THSD7A: variants seen among roughly 807,000 people sequenced by gnomAD.
THSD7A encodes thrombospondin type 1 domain containing 7A.
Under a neutral mutation model 231.3 loss-of-function variants are expected in THSD7A, and 96 were observed. The observed-to-expected ratio is 0.41, with a 90% confidence interval of 0.35 to 0.49. The LOEUF (loss-of-function observed/expected upper bound fraction) is 0.49, where lower values mean the gene tolerates loss of function less well. Ranked by LOEUF, THSD7A falls within the 20% of genes least tolerant of loss-of-function variation. The pLI is 0.05. For synonymous variants in THSD7A, 940 were observed against 743.3 expected (o/e 1.26, Z -4.30); for missense variants, 2,290 against 2,070.2 (o/e 1.11, Z -2.06).
intron 1 of THSD7A, among the ~76,000 whole-genome samples, chr7:11,737,047 T>C (rs565187126): frequency 1.3e-5 from 2 of 152,074 alleles, no homozygotes; most frequent in Non-Finnish European, 2.9e-5. Context: ...GCCATGATTG[T>C]AAGTTTCCTG....
chr7:11,518,043 C>T (rs1204905797), intron 6 of THSD7A, among the ~76,000 whole-genome samples: 1 of 152,182 alleles, frequency 6.6e-6, no homozygotes, highest in East Asian at 1.9e-4. Flanking sequence ...GAGAGCTTGA[C>T]TGCTTGCTGG....
At chr7:11,791,924 T>A (rs1783962907) in intron 1 of THSD7A, among the ~76,000 whole-genome samples, 1 of 151,964 alleles carries the variant, frequency 6.6e-6, no homozygotes, top group Non-Finnish European at 1.5e-5. Context: ...GCTTTTTTAC[T>A]AATTTGATTC....
intron 1 of THSD7A, among the ~76,000 whole-genome samples, chr7:11,734,583 G>A (rs1781843994): frequency 6.6e-6 from 1 of 151,814 alleles, no homozygotes; most frequent in Non-Finnish European, 1.5e-5. Context: ...TTTCCAACCT[G>A]ACATGTCGTA....
chr7:11,606,926 T>C, intron 2 of THSD7A, among the ~76,000 whole-genome samples: 1 of 152,022 alleles, frequency 6.6e-6, no homozygotes, highest in African/African-American at 2.4e-5. Context: ...TTAAACCACA[T>C]GCAAACTGTT....
intron 1 of THSD7A, among the ~76,000 whole-genome samples, chr7:11,829,816 T>C (rs979415824): frequency 6.6e-6 from 1 of 150,648 alleles, no homozygotes; most frequent in East Asian, 1.9e-4. Flanking sequence ...AAAAAAAAAA[T>C]AAAGAAGTCA....
chr7:11,640,512 C>A (rs113451565), intron 1 of THSD7A, among the ~76,000 whole-genome samples: 8 of 152,060 alleles, frequency 5.3e-5, no homozygotes, highest in African/African-American at 1.9e-4. Context: ...CGCAGTGTAA[C>A]CTTGAGAACC....
chr7:11,770,173 T>C (rs1751616189), intron 1 of THSD7A, among the ~76,000 whole-genome samples: 1 of 152,144 alleles, frequency 6.6e-6, no homozygotes. Context: ...TTTTCAATTC[T>C]TAGTTGAATC....
chr7:11,394,824 G>C (rs887705840), intron 23 of THSD7A, among the ~76,000 whole-genome samples: 1 of 152,050 alleles, frequency 6.6e-6, no homozygotes, highest in East Asian at 1.9e-4. Flanking sequence ...TTCATTCATC[G>C]GTCGGCCAGG....
chr7:11,682,608 T>G (rs10085466), intron 1 of THSD7A, among the ~76,000 whole-genome samples: 1 of 151,960 alleles, frequency 6.6e-6, no homozygotes, highest in Admixed American at 6.6e-5. Flanking sequence ...TTTTATAAAA[T>G]GATTACCACT....
At chr7:11,675,814 G>A (rs188844556) in intron 1 of THSD7A, among the ~76,000 whole-genome samples, 34 of 152,336 alleles carry the variant, frequency 2.2e-4, no homozygotes, top group African/African-American at 8.2e-4. Context: ...GAGCAACTGA[G>A]GTAAGGGGCG....
intron 13 of THSD7A, among the ~76,000 whole-genome samples, chr7:11,434,773 A>T (rs1468617885): frequency 6.6e-6 from 1 of 151,812 alleles, no homozygotes; most frequent in Non-Finnish European, 1.5e-5. Context: ...GAAAAAAAAA[A>T]TCATTTTGCA....
chr7:11,673,352 T>G (rs889696311), intron 1 of THSD7A, among the ~76,000 whole-genome samples: 1 of 152,142 alleles, frequency 6.6e-6, no homozygotes, highest in Non-Finnish European at 1.5e-5. Context: ...TGAACCCTCA[T>G]GGACTCCAGA....
chr7:11,643,435 A>G (rs771349861), intron 1 of THSD7A, among the ~76,000 whole-genome samples: 4 of 152,116 alleles, frequency 2.6e-5, no homozygotes, highest in Non-Finnish European at 5.9e-5. Flanking sequence ...ACTAAAGATA[A>G]CTAATCCTAG....
intron 11 of THSD7A, among the ~76,000 whole-genome samples, chr7:11,449,605 T>C (rs1244249337): frequency 6.6e-6 from 1 of 151,966 alleles, no homozygotes; most frequent in Non-Finnish European, 1.5e-5. Context: ...TGATAGAAAT[T>C]TGTACAGGGA....
intron 4 of THSD7A, among the ~76,000 whole-genome samples, chr7:11,573,970 C>G (rs141263198): frequency 6.6e-6 from 1 of 152,070 alleles, no homozygotes; most frequent in Admixed American, 6.5e-5. Flanking sequence ...TATTCAGACA[C>G]GTGTACTCTG....
At chr7:11,724,758 C>T (rs1583227762) in intron 1 of THSD7A, among the ~76,000 whole-genome samples, 1 of 151,780 alleles carries the variant, frequency 6.6e-6, no homozygotes, top group Admixed American at 6.6e-5. Flanking sequence ...ATTACATATA[C>T]CAGAATACAC....
intron 4 of THSD7A, among the ~76,000 whole-genome samples, chr7:11,568,164 T>C (rs969907289): frequency 6.6e-6 from 1 of 152,192 alleles, no homozygotes; most frequent in Non-Finnish European, 1.5e-5. Flanking sequence ...ACAACTTTAG[T>C]CCTTATCTGT....
At chr7:11,575,065 C>A (rs973831220) in intron 4 of THSD7A, among the ~76,000 whole-genome samples, 2 of 152,094 alleles carry the variant, frequency 1.3e-5, no homozygotes, top group African/African-American at 4.8e-5. Flanking sequence ...TAGTGCTTAC[C>A]TCATAGGATT....
intron 6 of THSD7A, among the ~76,000 whole-genome samples, chr7:11,497,596 T>C (rs1787154792): frequency 6.6e-6 from 1 of 152,180 alleles, no homozygotes; most frequent in Admixed American, 6.5e-5. Flanking sequence ...CTCTCAATAA[T>C]CTTTAATACA....
Sources: allele counts gnomAD v4.1 joint callset (sites outside exome capture counted in the v4.1 genomes callset), GRCh38; gene constraint gnomAD v4.1.1; transcripts MANE v1.5; gene names NCBI Gene and HGNC (gene_info 2026-07-23, HGNC 2026-07-21).